Variants in GALNT13 observed in about 807,000 individuals in gnomAD.
GALNT13 encodes the protein UDP-GalNAc:polypeptide N-acetylgalactosaminyltransferase 13.
GALNT13 carries 28 observed loss-of-function variants against 64.2 expected under a neutral mutation model. The ratio of observed to expected loss-of-function variants is 0.44; its 90% confidence interval spans 0.32 to 0.60. GALNT13 has a LOEUF of 0.60. GALNT13 is among the 20% of genes least tolerant of loss of function. The pLI is 0.05. For missense variants in GALNT13, 577 were observed against 669.8 expected (o/e 0.86, Z 1.53); for synonymous variants, 214 against 224.6 (o/e 0.95, Z 0.42).
the GALNT13 span, among the ~76,000 whole-genome samples, chr2:153,537,970 G>A: frequency 6.6e-6 from 1 of 152,152 alleles, no homozygotes; most frequent in African/African-American, 2.4e-5. Context: ...GTGGATTGCT[G>A]TTATAAAGGT....
chr2:153,742,482 T>C, the GALNT13 span, among the ~76,000 whole-genome samples: 1 of 152,128 alleles, frequency 6.6e-6, no homozygotes. Context: ...TGCATATACA[T>C]AGAATGGTTT....
chr2:153,069,420 T>A, the GALNT13 span, among the ~76,000 whole-genome samples: 1 of 152,144 alleles, frequency 6.6e-6, no homozygotes, highest in Non-Finnish European at 1.5e-5. Flanking sequence ...TTGGAGTACA[T>A]CCAATAACAT....
chr2:153,783,445 A>G, the GALNT13 span, among the ~76,000 whole-genome samples: 2 of 152,126 alleles, frequency 1.3e-5, no homozygotes, highest in African/African-American at 4.8e-5. Flanking sequence ...ATGAGAATGT[A>G]TACCAGAGAA....
At chr2:153,342,165 C>T in the GALNT13 span, among the ~76,000 whole-genome samples, 2 of 152,136 alleles carry the variant, frequency 1.3e-5, no homozygotes, top group Non-Finnish European at 2.9e-5. Context: ...GAAGCTTTGA[C>T]TTATTGCCTC....
At chr2:154,157,094 C>A (rs1247378440) in intron 4 of GALNT13, among the ~76,000 whole-genome samples, 2 of 152,038 alleles carry the variant, frequency 1.3e-5, no homozygotes, top group Admixed American at 6.6e-5. Flanking sequence ...TTTATAAATT[C>A]ATCACTCCCC....
chr2:154,267,523 C>T (rs1447865976), intron 8 of GALNT13, among the ~76,000 whole-genome samples: 1 of 152,038 alleles, frequency 6.6e-6, no homozygotes, highest in Non-Finnish European at 1.5e-5. Flanking sequence ...GCCTGTAATC[C>T]CACCTACTTG....
the GALNT13 span, among the ~76,000 whole-genome samples, chr2:153,592,354 T>G: frequency 6.6e-6 from 1 of 152,082 alleles, no homozygotes; most frequent in Non-Finnish European, 1.5e-5. Context: ...CAAAAGAAAA[T>G]AAATCAGTAT....
the GALNT13 span, among the ~76,000 whole-genome samples, chr2:153,343,276 T>G: frequency 6.6e-6 from 1 of 152,138 alleles, no homozygotes; most frequent in Non-Finnish European, 1.5e-5. Context: ...TCTACCAAGA[T>G]GAGATACAGT....
chr2:153,711,011 TTCACTC>T, the GALNT13 span, among the ~76,000 whole-genome samples: 1 of 152,104 alleles, frequency 6.6e-6, no homozygotes, highest in Non-Finnish European at 1.5e-5. Context: ...AAATAACACT[TTCACTC>T]TAAGTAAAAA....
At chr2:153,418,063 C>T in the GALNT13 span, among the ~76,000 whole-genome samples, 1 of 152,146 alleles carries the variant, frequency 6.6e-6, no homozygotes, top group Admixed American at 6.5e-5. Context: ...CCTTTCAAAA[C>T]CTGTTAATAT....
chr2:153,697,298 T>C, the GALNT13 span, among the ~76,000 whole-genome samples: 1 of 152,228 alleles, frequency 6.6e-6, no homozygotes, highest in Non-Finnish European at 1.5e-5. Context: ...GTCTATGTTT[T>C]CTTTGGTTAT....
chr2:153,852,862 A>G, the GALNT13 span, among the ~76,000 whole-genome samples: 10 of 152,294 alleles, frequency 6.6e-5, no homozygotes, highest in East Asian at 1.9e-3. Context: ...CTCTTGAGGG[A>G]CAGGATTAAT....
Position 154,206,360 on chromosome 2 carries a change from G to A in GALNT13, c.312-35670G>A, listed in dbSNP as rs1217415436. 2.0e-5 allele frequency among the ~76,000 whole-genome samples: 3 copies of A among 151,912 alleles called. No homozygotes were observed. The East Asian group carries it at 5.8e-4, about 29-fold the overall frequency. ...TTTTGAAATCATATATATATAGAGA[G>A]AGAGATATATCTAGAGAGAAAGAGA... On this transcript the variant is annotated intron_variant, in intron 4 of 12. Transcript: ENST00000392825.
At chr2:154,026,669 G>A (rs1345945) in intron 3 of GALNT13, among the ~76,000 whole-genome samples, 31,123 of 152,026 alleles carry the variant, frequency 0.2, 4,109 homozygotes, top group Middle Eastern at 0.33. Flanking sequence ...TAAGGTAACA[G>A]TCCTGTTGGA....
At chr2:154,063,337 G>A (rs1700292491) in intron 3 of GALNT13, among the ~76,000 whole-genome samples, 1 of 152,088 alleles carries the variant, frequency 6.6e-6, no homozygotes, top group Admixed American at 6.6e-5. Context: ...TTTAGGGACT[G>A]ATTTGGTCTA....
the GALNT13 span, among the ~76,000 whole-genome samples, chr2:153,734,927 G>A: frequency 1.3e-5 from 2 of 152,154 alleles, no homozygotes; most frequent in African/African-American, 2.4e-5. Context: ...AAATCAAAAT[G>A]TAGAGCTGTC....
At chr2:154,290,348 C>A (rs944723932) in intron 8 of GALNT13, among the ~76,000 whole-genome samples, 1 of 152,158 alleles carries the variant, frequency 6.6e-6, no homozygotes, top group African/African-American at 2.4e-5. Context: ...ATCTCAAAAG[C>A]AAGCCAAGGA....
chr2:153,682,179 T>C, the GALNT13 span, among the ~76,000 whole-genome samples: 1 of 151,832 alleles, frequency 6.6e-6, no homozygotes, highest in Non-Finnish European at 1.5e-5. Flanking sequence ...AAATTATTTA[T>C]TCCTGTATAC....
chr2:153,503,137 T>C, the GALNT13 span, among the ~76,000 whole-genome samples: 1 of 152,214 alleles, frequency 6.6e-6, no homozygotes, highest in African/African-American at 2.4e-5. Context: ...GGGTTCTTGG[T>C]CATGAAGTCT....
Sources: allele counts gnomAD v4.1 joint callset (sites outside exome capture counted in the v4.1 genomes callset), GRCh38; gene constraint gnomAD v4.1.1; transcripts MANE v1.5; gene names NCBI Gene and HGNC (gene_info 2026-07-23, HGNC 2026-07-21).